The following TCF12 variants were observed in gnomAD, a reference collection of about 807,000 sequenced individuals.
TCF12 encodes the protein transcription factor 12.
In TCF12, 45 loss-of-function variants were observed where a neutral mutation model predicts 86.0. The observed-to-expected ratio is 0.52, with a 90% CI of 0.41 to 0.67. TCF12 has a LOEUF of 0.67. TCF12 is among the 30% of genes least tolerant of loss of function. TCF12 has a pLI of 0.00. For synonymous variants in TCF12, 330 were observed against 299.6 expected, an observed-to-expected ratio of 1.10 and a Z score of -1.05; for missense variants, 881 against 859.9, an observed-to-expected ratio of 1.02 and a Z score of -0.31.
intron 3 of TCF12, among the ~76,000 whole-genome samples, chr15:56,983,649 T>C (rs1275888734): frequency 6.6e-6 from 1 of 152,014 alleles, no homozygotes; most frequent in Non-Finnish European, 1.5e-5. Flanking sequence ...CAGGTCAGGT[T>C]TTACCGTCAA....
chr15:57,075,836 T>TC, intron 4 of TCF12, among the ~76,000 whole-genome samples: 1 of 22,382 alleles, frequency 4.5e-5, no homozygotes, highest in South Asian at 2.3e-3. Flanking sequence ...CTCTCTCTCT[T>TC]TTCTTTCTTT....
intron 18 of TCF12, among the ~76,000 whole-genome samples, chr15:57,270,292 A>C (rs1347095945): frequency 3.3e-5 from 5 of 152,070 alleles, no homozygotes; most frequent in African/African-American, 1.2e-4. Flanking sequence ...GTCTTCTCGC[A>C]TTATTTCATT....
At chr15:57,015,948 T>C (rs947175582) in intron 3 of TCF12, among the ~76,000 whole-genome samples, 23 of 152,208 alleles carry the variant, frequency 1.5e-4, no homozygotes, top group Non-Finnish European at 2.6e-4. Flanking sequence ...ACTTGTATTG[T>C]AAGAGTGATT....
chr15:56,999,076 T>A (rs2063872511), intron 3 of TCF12, among the ~76,000 whole-genome samples: 1 of 151,930 alleles, frequency 6.6e-6, no homozygotes, highest in Non-Finnish European at 1.5e-5. Context: ...CGGGCGCCTG[T>A]AGTCCCAGCT....
At chr15:57,016,154 A>G (rs2065142940) in intron 3 of TCF12, among the ~76,000 whole-genome samples, 1 of 152,198 alleles carries the variant, frequency 6.6e-6, no homozygotes, top group Non-Finnish European at 1.5e-5. Context: ...TTATGAAATC[A>G]GTCCCTGACT....
intron 3 of TCF12, among the ~76,000 whole-genome samples, chr15:57,047,815 C>G (rs902611594): frequency 6.6e-6 from 1 of 152,150 alleles, no homozygotes; most frequent in Non-Finnish European, 1.5e-5. Flanking sequence ...CGATTTCATT[C>G]TATTGCTAAC....
chr15:57,190,583 C>G (rs1222274655), intron 6 of TCF12, among the ~76,000 whole-genome samples: 3 of 152,120 alleles, frequency 2.0e-5, no homozygotes, highest in Non-Finnish European at 4.4e-5. Flanking sequence ...CTTTCCCTCT[C>G]CTGTCTTTCA....
chr15:57,141,324 G>T (rs533412732), intron 5 of TCF12, among the ~76,000 whole-genome samples: 9 of 152,284 alleles, frequency 5.9e-5, no homozygotes, highest in Admixed American at 3.3e-4. Flanking sequence ...GTAAAAGCAG[G>T]CATTAACTAA....
chr15:56,964,694 G>A (rs2061926053), intron 3 of TCF12, among the ~76,000 whole-genome samples: 1 of 152,086 alleles, frequency 6.6e-6, no homozygotes, highest in Non-Finnish European at 1.5e-5. Context: ...TATGTGTTGT[G>A]TGTTGAACTT....
At chr15:57,239,197 C>A (rs765720489) in intron 12 of TCF12, among the ~76,000 whole-genome samples, 5 of 151,784 alleles carry the variant, frequency 3.3e-5, no homozygotes, top group Non-Finnish European at 7.4e-5. Flanking sequence ...ACTAAAAATA[C>A]AAAATTAGCC....
At chr15:57,241,863 C>T (rs755299836) in intron 12 of TCF12, among the ~76,000 whole-genome samples, 9 of 152,022 alleles carry the variant, frequency 5.9e-5, no homozygotes, top group East Asian at 1.9e-4. Flanking sequence ...CTTGGTGGCA[C>T]GCGGCTGTAG....
intron 5 of TCF12, among the ~76,000 whole-genome samples, chr15:57,146,920 T>C (rs1472865387): frequency 2.0e-5 from 3 of 152,222 alleles, no homozygotes; most frequent in Non-Finnish European, 4.4e-5. Flanking sequence ...TGGAGAAATA[T>C]AGTGCCTCTG....
intron 5 of TCF12, among the ~76,000 whole-genome samples, chr15:57,158,999 A>G (rs1269480589): frequency 6.6e-6 from 1 of 152,264 alleles, no homozygotes; most frequent in Non-Finnish European, 1.5e-5. Context: ...TTCTTTAAAA[A>G]CAAAAAATCT....
In TCF12 at chr15:57,028,241, G is replaced by A. The variant is rs532832481; in HGVS notation, c.149-35509G>A. On this transcript the variant is annotated intron_variant, in intron 3 of 20. Transcript: ENST00000333725. The stretch of plus-strand genomic sequence containing the variant: ...CTTTGGCCTCTCAAAGATTATAGGT[G>A]TGAGCCACCGCGCCCGACTGAAACC... Among the ~76,000 whole-genome samples the A allele has an allele frequency of 5.3e-5, 8 of 152,218 alleles. No homozygotes were observed. In the South Asian group the frequency reaches 1.7e-3, roughly 32 times the overall value.
Position 57,273,070 on chromosome 15 carries a change from A to G in TCF12, c.1786A>G (p.Ile596Val). ...TGAGGATTTGAACCCTGAACAGAAG[A>G]TAGAAAGGGAGAAGGAGAGGCGGAT... ...EDEDLNPEQKIEREKERRMAN... is the reference protein window; with the variant it reads ...EDEDLNPEQKVEREKERRMAN... Residue 596 changes from isoleucine (I) to valine (V), a missense_variant, in exon 19 of 21, where the codon ATA becomes GTA. Physicochemically the swap from Ile to Val is conservative, Grantham distance 29. This residue lies in a region of TCF12 where 766 missense variants were observed against 718.9 expected (regional missense o/e 1.07). Coordinates refer to ENST00000333725, the MANE Select transcript of TCF12 (RefSeq NM_207037.2). The G allele has an allele frequency of 6.2e-7, 1 of 1,614,234 alleles. No individual in the cohort carries two copies. Among genetic ancestry groups the G allele is most frequent in the South Asian group, 1.1e-5 (1 of 91,086 alleles).
chr15:57,285,887 C>A (rs1178546416), intron 20 of TCF12, among the ~76,000 whole-genome samples: 1 of 152,156 alleles, frequency 6.6e-6, no homozygotes, highest in African/African-American at 2.4e-5. Context: ...ATGATCATGC[C>A]ACTGCGCTCC....
intron 5 of TCF12, among the ~76,000 whole-genome samples, chr15:57,117,937 A>G (rs1331569627): frequency 1.3e-5 from 2 of 151,320 alleles, no homozygotes; most frequent in South Asian, 2.1e-4. Context: ...AAGGGGGGGG[A>G]AGGCATATTA....
At chr15:57,244,641 T>G (rs541184592) in intron 13 of TCF12, among the ~76,000 whole-genome samples, 2 of 152,066 alleles carry the variant, frequency 1.3e-5, no homozygotes, top group African/African-American at 4.8e-5. Flanking sequence ...TGTATTTTTT[T>G]GTAGAGATGG....
At chr15:57,257,677 G>GTA in intron 16 of TCF12, among the ~76,000 whole-genome samples, 2 of 16,228 alleles carry the variant, frequency 1.2e-4, no homozygotes, top group Non-Finnish European at 2.5e-4. Flanking sequence ...AAAAAAAAAA[G>GTA]TGTATATATA....
Sources: gnomAD v4.1 joint callset for allele counts (sites outside exome capture counted in the v4.1 genomes callset) on GRCh38, gnomAD v4.1.1 for gene constraint, gnomAD v4.1.1 regional missense constraint, MANE v1.5 for transcripts, NCBI Gene and HGNC (gene_info 2026-07-23, HGNC 2026-07-21) for gene names.